KCNIP4: variants seen among roughly 807,000 people sequenced by gnomAD.
KCNIP4 encodes Kv channel-interacting protein 4.
KCNIP4 carries 12 observed loss-of-function variants against 34.0 expected under a neutral mutation model. That is an observed-to-expected ratio of 0.35 (90% CI 0.23 to 0.57). The LOEUF (loss-of-function observed/expected upper bound fraction) is 0.57. KCNIP4 is among the 20% of genes least tolerant of loss of function. KCNIP4 has a pLI of 0.83. For missense variants in KCNIP4, 238 were observed against 311.7 expected (o/e 0.76, Z 1.78); for synonymous variants, 124 against 102.2 (o/e 1.21, Z -1.29).
At chr4:21,840,914 C>A (rs1038305904) in intron 1 of KCNIP4, among the ~76,000 whole-genome samples, 1 of 152,148 alleles carries the variant, frequency 6.6e-6, no homozygotes, top group African/African-American at 2.4e-5. Flanking sequence ...TTATGTCATG[C>A]ACCACCAGTT....
chr4:21,000,264 G>A (rs529162521), intron 1 of KCNIP4, among the ~76,000 whole-genome samples: 114 of 152,100 alleles, frequency 7.5e-4, no homozygotes, highest in African/African-American at 2.6e-3. Flanking sequence ...CCTCTAATAA[G>A]TCGTCTCAGC....
Position 21,106,665 on chromosome 4 carries a change from T to G in KCNIP4, c.62-223956A>C, listed in dbSNP as rs1431126056. Among the ~76,000 whole-genome samples, 5 of 151,566 alleles carry G rather than the reference T, an allele frequency of 3.3e-5. No individual in the cohort carries two copies. The East Asian group carries it at 9.7e-4, about 29-fold the overall frequency. ...CGTTTGAATGTGTTTGCTCTTGCTTTTCTAGTTCTTTTAATTGTAACGTTA... is the reference window on the plus strand; with the variant it reads ...CGTTTGAATGTGTTTGCTCTTGCTTGTCTAGTTCTTTTAATTGTAACGTTA... On this transcript the variant is annotated intron_variant, in intron 1 of 8. Coordinates refer to ENST00000382152, the MANE Select transcript of KCNIP4 (RefSeq NM_025221.6).
At chr4:21,356,708 G>A (rs1718642737) in intron 1 of KCNIP4, among the ~76,000 whole-genome samples, 1 of 152,106 alleles carries the variant, frequency 6.6e-6, no homozygotes, top group Admixed American at 6.6e-5. Flanking sequence ...TTGTGGATAG[G>A]AAGAATCAAT....
chr4:21,861,657 A>C (rs1165019301), intron 1 of KCNIP4, among the ~76,000 whole-genome samples: 1 of 2,830 alleles, frequency 3.5e-4, no homozygotes, highest in Admixed American at 0.012. Flanking sequence ...ACTCCGTCTC[A>C]AAAAAAAAAA....
intron 1 of KCNIP4, among the ~76,000 whole-genome samples, chr4:21,266,360 T>C (rs1164712286): frequency 6.6e-6 from 1 of 152,000 alleles, no homozygotes; most frequent in Non-Finnish European, 1.5e-5. Context: ...AGCATTTGAC[T>C]AAAGTAACAA....
intron 5 of KCNIP4, among the ~76,000 whole-genome samples, chr4:20,739,027 G>C (rs943892814): frequency 1.3e-5 from 2 of 152,212 alleles, no homozygotes; most frequent in African/African-American, 4.8e-5. Flanking sequence ...CAAGGCAACA[G>C]TGAGGCTGAG....
intron 1 of KCNIP4, among the ~76,000 whole-genome samples, chr4:20,959,602 C>G (rs16870274): frequency 6.6e-6 from 1 of 152,194 alleles, no homozygotes; most frequent in Non-Finnish European, 1.5e-5. Context: ...CACACTCACT[C>G]TCTCTCTGAT....
chr4:20,876,271 C>T (rs1233636244), intron 2 of KCNIP4, among the ~76,000 whole-genome samples: 3 of 151,904 alleles, frequency 2.0e-5, no homozygotes, highest in African/African-American at 7.3e-5. Context: ...AAATAATGTC[C>T]ATTGAATGAG....
At chr4:21,805,028 G>A (rs1721212169) in intron 1 of KCNIP4, among the ~76,000 whole-genome samples, 1 of 152,300 alleles carries the variant, frequency 6.6e-6, no homozygotes, top group East Asian at 1.9e-4. Flanking sequence ...GTAGAGATTA[G>A]GATCTCACTG....
chr4:21,828,577 C>A (rs142103144), intron 1 of KCNIP4, among the ~76,000 whole-genome samples: 1 of 151,528 alleles, frequency 6.6e-6, no homozygotes, highest in Non-Finnish European at 1.5e-5. Context: ...CTAAAAAATG[C>A]CAGACCATAA....
chr4:21,933,221 A>T (rs1166824796), intron 1 of KCNIP4, among the ~76,000 whole-genome samples: 1 of 151,970 alleles, frequency 6.6e-6, no homozygotes, highest in African/African-American at 2.4e-5. Flanking sequence ...TGATGTGACT[A>T]TTTGGTTATC....
At chr4:21,108,406 T>C (rs1199032614) in intron 1 of KCNIP4, among the ~76,000 whole-genome samples, 1 of 151,694 alleles carries the variant, frequency 6.6e-6, no homozygotes, top group Non-Finnish European at 1.5e-5. Context: ...CTGAGGCTTC[T>C]GCATTCTTCA....
chr4:20,884,217 T>C (rs538564678), intron 1 of KCNIP4, among the ~76,000 whole-genome samples: 4 of 152,208 alleles, frequency 2.6e-5, no homozygotes, highest in African/African-American at 9.6e-5. Flanking sequence ...GTAAGCTTTT[T>C]AAAAATTTTA....
intron 1 of KCNIP4, among the ~76,000 whole-genome samples, chr4:21,798,588 G>GA (rs1304979562): frequency 9.5e-6 from 1 of 105,312 alleles, no homozygotes; most frequent in East Asian, 2.6e-4. Context: ...GAAAGAAAGA[G>GA]AAAAAATGCA....
Position 21,293,493 on chromosome 4 carries a change from T to C in KCNIP4, c.62-410784A>G, listed in dbSNP as rs145886480. On this transcript the variant is annotated intron_variant, in intron 1 of 8. Transcript: ENST00000382152. The stretch of plus-strand genomic sequence containing the variant: ...ACATTCTACTGCAGTCTACTGGAAA[T>C]GTCATGCTGTCAAATAATCCCATCC... Among the ~76,000 whole-genome samples, 462 of 152,300 alleles carry C rather than the reference T, an allele frequency of 3.0e-3. 5 individuals are homozygous for C. Among genetic ancestry groups the C allele is most frequent in the African/African-American group, 0.01 (421 of 41,568 alleles).
chr4:21,080,281 T>C (rs937430009), intron 1 of KCNIP4, among the ~76,000 whole-genome samples: 4 of 151,892 alleles, frequency 2.6e-5, no homozygotes, highest in African/African-American at 9.7e-5. Context: ...ACCATCCTTA[T>C]AGGGATGAGT....
intron 1 of KCNIP4, chr4:21,852,692 C>T (rs1254428696): frequency 1.3e-5 from 2 of 152,162 alleles, no homozygotes; most frequent in African/African-American, 2.4e-5. Context: ...CAGCATCATA[C>T]ATGACACATT....
intron 1 of KCNIP4, among the ~76,000 whole-genome samples, chr4:21,311,462 G>A: frequency 6.6e-6 from 1 of 152,140 alleles, no homozygotes. Flanking sequence ...AGGCCTAGGT[G>A]GGCGGATCAT....
At chr4:21,527,883 C>T (rs1736107338) in intron 1 of KCNIP4, among the ~76,000 whole-genome samples, 3 of 152,060 alleles carry the variant, frequency 2.0e-5, no homozygotes, top group South Asian at 2.1e-4. Flanking sequence ...CCACAGGGTC[C>T]GGTCATCACC....
Sources: allele counts gnomAD v4.1 joint callset (sites outside exome capture counted in the v4.1 genomes callset), GRCh38; gene constraint gnomAD v4.1.1; transcripts MANE v1.5; gene names NCBI Gene and HGNC (gene_info 2026-07-23, HGNC 2026-07-21).